Variants in PAPOLG observed in about 807,000 individuals in gnomAD.
PAPOLG encodes the protein poly(A) polymerase gamma, also known as PAP-gamma.
A neutral mutation model predicts 99.0 loss-of-function variants in PAPOLG; 40 were observed. The ratio of observed to expected loss-of-function variants is 0.40; its 90% CI spans 0.31 to 0.53. The LOEUF (loss-of-function observed/expected upper bound fraction) is 0.53. PAPOLG is among the 20% of genes least tolerant of loss of function. The pLI is 0.41. For synonymous variants in PAPOLG, 310 were observed against 299.3 expected, an observed-to-expected ratio of 1.04 and a Z score of -0.37; for missense variants, 675 against 884.1, an observed-to-expected ratio of 0.76 and a Z score of 3.00.
chr2:60,795,140 C>T (rs1274638477), intron 21 of PAPOLG, 120 bp downstream of exon 21: 1 of 820,618 alleles, frequency 1.2e-6, no homozygotes, highest in South Asian at 1.6e-5. Context: ...TGTCCCTGTC[C>T]CCAAGGACTA....
intron 8 of PAPOLG, among the ~76,000 whole-genome samples, chr2:60,775,873 C>T (rs1051279251): frequency 4.6e-5 from 7 of 152,056 alleles, no homozygotes; most frequent in African/African-American, 1.4e-4. Flanking sequence ...AAGTGATTCT[C>T]CTGCCTCAGC....
At position 60,791,967 on chromosome 2, in the gene PAPOLG, C is replaced by A. The variant is rs1187228876; in HGVS notation, c.1518+85C>A. 9.3e-6 allele frequency: 14 copies of A among 1,502,056 alleles called. No individual in the cohort carries two copies. The East Asian group carries it at 3.2e-4, about 34-fold the overall frequency. The allele number at this position is 1,502,056 out of a possible 1,614,324, so 93.0% of individuals were successfully genotyped here. On this transcript the variant is annotated intron_variant, in intron 16 of 21. Coordinates refer to ENST00000238714, the MANE Select transcript of PAPOLG (RefSeq NM_022894.4). ...AATTTGCATTCTACAGCTCCCAAAC[C>A]TATTGAGAAAAATAAGGAAGATATA...
chr2:60,780,782 A>T lies in PAPOLG; in HGVS notation c.906+3A>T, dbSNP rs1365717581. 1 of 1,602,152 alleles carries T rather than the reference A, an allele frequency of 6.2e-7. No homozygotes were observed. The highest frequency in any genetic ancestry group is 8.6e-7 in the Non-Finnish European group (1 of 1,169,258). On this transcript the variant is annotated splice_donor_region_variant and intron_variant, in intron 10 of 21. Coordinates refer to ENST00000238714, the MANE Select transcript of PAPOLG (RefSeq NM_022894.4). ...ATTTGCCTGTCTGGGATCCTCGGGT[A>T]TGTGATTTATTATGGAGTTTCTTTA...
intron 9 of PAPOLG, 154 bp from the exon 10 acceptor site, chr2:60,780,553 G>C (rs1016513882): frequency 8.1e-6 from 2 of 246,482 alleles, no homozygotes; most frequent in African/African-American, 4.6e-5. Flanking sequence ...TGGGATTACA[G>C]GCATGAGCCA....
At position 60,771,750 on chromosome 2, in the gene PAPOLG, C is replaced by T; in HGVS notation, c.604+120C>T. On this transcript the variant is annotated intron_variant, in intron 7 of 21. Transcript: ENST00000238714. ...GGACTCAGTTTAAAATGTAATTTTCCTTATACAGATAATGTGACCACATTT... is the reference window on the plus strand; with the variant it reads ...GGACTCAGTTTAAAATGTAATTTTCTTTATACAGATAATGTGACCACATTT... 2.8e-6 allele frequency: 3 copies of T among 1,085,094 alleles called. No individual in the cohort carries two copies. In the South Asian group the frequency reaches 4.8e-5, roughly 17 times the overall value. 67.2% of individuals were successfully genotyped at this position (1,085,094 alleles called of 1,614,324 possible).
rs1264754992 is a variant in PAPOLG, at chr2:60,760,275, T to C, written c.159T>C (p.Asp53=). The C allele has an allele frequency of 6.2e-7, 1 of 1,612,898 alleles. No individual in the cohort carries two copies. The highest frequency in any genetic ancestry group is 1.3e-5 in the African/African-American group (1 of 74,872). The change falls in exon 2 of 22, where the codon GAT becomes GAC. Residue 53 remains aspartate (D), a synonymous_variant. Coordinates refer to ENST00000238714, the MANE Select transcript of PAPOLG (RefSeq NM_022894.4). ...DAMKPFGVFE[D]EEELNHRLVV... ...TGAAACCATTTGGAGTGTTTGAAGA[T>C]GAGGAAGAATTGAACCACAGGTATG...
At chr2:60,795,242 TTATTATC>T (rs139467743) in intron 21 of PAPOLG, 67,371 of 647,034 alleles carry the variant, frequency 0.1, 3,570 homozygotes, top group East Asian at 0.13. Flanking sequence ...TAAGACAACT[TTATTATC>T]TATTTAGATT....
chr2:60,764,055 G>A (rs188159478), intron 3 of PAPOLG, among the ~76,000 whole-genome samples: 20 of 151,578 alleles, frequency 1.3e-4, no homozygotes, highest in South Asian at 2.1e-4. Context: ...CATTCTCTTC[G>A]GCCTCCCAGA....
At chr2:60,758,337 T>G (rs867210215) in intron 1 of PAPOLG, among the ~76,000 whole-genome samples, 2 of 149,314 alleles carry the variant, frequency 1.3e-5, no homozygotes, top group Non-Finnish European at 3.0e-5. Context: ...GGTTTTTTTT[T>G]TTTTTTTTTT....
At position 60,791,883 on chromosome 2, in the gene PAPOLG, G is replaced by C; in HGVS notation, c.1518+1G>C. 6.2e-7 allele frequency: 1 copy of C among 1,611,302 alleles called. No homozygotes were observed. Among genetic ancestry groups the C allele is most frequent in the Non-Finnish European group, 8.5e-7 (1 of 1,179,384 alleles). The stretch of plus-strand genomic sequence containing the variant: ...AGAAATTCTTCAAAAGAAGAAAAAG[G>C]TGAGTTTATAATCTTAACCCTTCAG... On this transcript the variant is annotated splice_donor_variant, in intron 16 of 21. Transcript: ENST00000238714. LOFTEE classifies it high-confidence loss of function.
At chr2:60,772,583 T>C (rs1670887569) in intron 7 of PAPOLG, among the ~76,000 whole-genome samples, 1 of 151,970 alleles carries the variant, frequency 6.6e-6, no homozygotes, top group African/African-American at 2.4e-5. Flanking sequence ...ACCCCATCTC[T>C]ATTAAAAATA....
intron 17 of PAPOLG, 25 bp downstream of exon 17, chr2:60,792,314 CT>C: frequency 6.4e-7 from 1 of 1,565,024 alleles, no homozygotes; most frequent in Non-Finnish European, 8.7e-7. Flanking sequence ...CAAATGTGTC[CT>C]TTTGGTTTTC....
At chr2:60,761,659 A>C in intron 2 of PAPOLG, 82 bp from the exon 3 acceptor site, 3 of 1,187,286 alleles carry the variant, frequency 2.5e-6, no homozygotes, top group Non-Finnish European at 3.7e-6. Flanking sequence ...ATCAACACAA[A>C]GGGTACTGCC....
In PAPOLG at chr2:60,768,768, C is replaced by T. The variant is rs1384728897; in HGVS notation, c.329-13C>T. On this transcript the variant is annotated splice_polypyrimidine_tract_variant and intron_variant, in intron 4 of 21. Transcript: ENST00000238714. Reference sequence around the variant, plus strand: ...ATAATATATTCTTAATTAAGAACTACTTTAATTTACAGGAGCTGACATTGA... The same window carrying T: ...ATAATATATTCTTAATTAAGAACTATTTTAATTTACAGGAGCTGACATTGA... 2 of 1,531,048 alleles carry T rather than the reference C, an allele frequency of 1.3e-6. No homozygotes were observed. The highest frequency in any genetic ancestry group is 1.8e-6 in the Non-Finnish European group (2 of 1,130,810). The allele number at this position is 1,531,048 out of a possible 1,614,324, so 94.8% of individuals were successfully genotyped here.
intron 14 of PAPOLG, 169 bp from the exon 15 acceptor site, chr2:60,787,342 G>A (rs1183810326): frequency 2.5e-6 from 1 of 401,198 alleles, no homozygotes; most frequent in Non-Finnish European, 3.4e-6. Context: ...CAGAACAACA[G>A]GGGATAACTT....
At chr2:60,782,133 T>C (rs1338227587) in intron 11 of PAPOLG, 128 bp downstream of exon 11, 4 of 1,018,270 alleles carry the variant, frequency 3.9e-6, no homozygotes, top group Non-Finnish European at 5.7e-6. Context: ...CTTTCAAGTA[T>C]GGTTATTTTG....
rs1671745016 is a variant in PAPOLG, at chr2:60,797,432, T to C, written c.*272T>C. On this transcript the variant is annotated 3_prime_UTR_variant, in exon 22 of 22. Transcript: ENST00000238714. ...ACAGCTTTGCATTTGGGGGTTTTACTGCCTTAACTTTCAATGCTTGTTATG... is the reference window on the plus strand; with the variant it reads ...ACAGCTTTGCATTTGGGGGTTTTACCGCCTTAACTTTCAATGCTTGTTATG... 2.6e-6 allele frequency: 1 copy of C among 392,008 alleles called. No homozygotes were observed. The highest frequency in any genetic ancestry group is 2.0e-5 in the African/African-American group (1 of 48,790). 24.3% of individuals were successfully genotyped at this position (392,008 alleles called of 1,614,324 possible).
Position 60,767,774 on chromosome 2 carries a change from G to A in PAPOLG, c.247-696G>A, listed in dbSNP as rs188776206. Among the ~76,000 whole-genome samples the A allele has an allele frequency of 3.5e-3, 536 of 152,370 alleles. 2 individuals are homozygous for A. The highest frequency in any genetic ancestry group is 0.012 in the African/African-American group (497 of 41,596). On this transcript the variant is annotated intron_variant, in intron 3 of 21. Coordinates refer to ENST00000238714, the MANE Select transcript of PAPOLG (RefSeq NM_022894.4). Reference sequence around the variant, plus strand: ...CTAAAGGGGATATGGGATTGGCCAAGAGTGTTATGTTTTAGAGAGGTGAAA... The same window carrying A: ...CTAAAGGGGATATGGGATTGGCCAAAAGTGTTATGTTTTAGAGAGGTGAAA...
intron 13 of PAPOLG, among the ~76,000 whole-genome samples, chr2:60,785,234 G>A (rs1211751628): frequency 1.3e-5 from 2 of 152,052 alleles, no homozygotes; most frequent in East Asian, 3.9e-4. Flanking sequence ...CACCTCCCAG[G>A]TTCATGCCAT....
Sources: allele counts gnomAD v4.1 joint callset (sites outside exome capture counted in the v4.1 genomes callset), GRCh38; gene constraint gnomAD v4.1.1; transcripts MANE v1.5; gene names NCBI Gene and HGNC (gene_info 2026-07-23, HGNC 2026-07-21).